ARSG: variants seen among roughly 807,000 people sequenced by gnomAD.
ARSG encodes the protein arylsulfatase G.
In ARSG, 37 loss-of-function variants were observed where a neutral mutation model predicts 50.5. The ratio of observed to expected loss-of-function variants is 0.73; its 90% CI spans 0.56 to 0.96. The LOEUF (loss-of-function observed/expected upper bound fraction) is 0.96, where lower values mean the gene tolerates loss of function less well. Ranked by LOEUF, ARSG falls within the 50% of genes least tolerant of loss-of-function variation. ARSG has a pLI of 0.00. For synonymous variants in ARSG, 225 were observed against 254.6 expected, an observed-to-expected ratio of 0.88 and a Z score of 1.11; for missense variants, 629 against 675.3, an observed-to-expected ratio of 0.93 and a Z score of 0.76.
In ARSG at chr17:68,416,323, T is replaced by A. The variant is rs149383664; in HGVS notation, c.1304-3866T>A. ...AATTCTTGGCTGATAATTGTTTTGA[T>A]GGAGGAGGCTGAAGATATGGCCCCA... On this transcript the variant is annotated intron_variant, in intron 11 of 11. Coordinates refer to ENST00000621439, the MANE Select transcript of ARSG (RefSeq NM_001267727.2). Among the ~76,000 whole-genome samples the A allele has an allele frequency of 3.4e-3, 512 of 152,312 alleles. 7 individuals carry two copies. The highest frequency in any genetic ancestry group is 0.011 in the African/African-American group (476 of 41,578).
At chr17:68,392,477 A>G (rs2081040372) in intron 9 of ARSG, among the ~76,000 whole-genome samples, 1 of 152,084 alleles carries the variant, frequency 6.6e-6, no homozygotes, top group African/African-American at 2.4e-5. Flanking sequence ...CATTTTTTCA[A>G]CCATAAACAT....
chr17:68,433,417 G>A, the ARSG span: 3 of 1,506,018 alleles, frequency 2.0e-6, no homozygotes, highest in African/African-American at 4.1e-5. Flanking sequence ...GAAGAGCCTA[G>A]GCCTGACTCC....
chr17:68,432,860 T>C, the ARSG span, among the ~76,000 whole-genome samples: 1 of 152,226 alleles, frequency 6.6e-6, no homozygotes, highest in Non-Finnish European at 1.5e-5. Flanking sequence ...CTCCTCCATC[T>C]TTCCAGAATT....
intron 8 of ARSG, among the ~76,000 whole-genome samples, chr17:68,375,440 CTG>C (rs779481526): frequency 1.4e-4 from 21 of 152,230 alleles, no homozygotes; most frequent in Non-Finnish European, 2.4e-4. Context: ...TCCCAGGAAT[CTG>C]TGTTTAAACA....
chr17:68,310,139 C>T (rs2076793742), intron 2 of ARSG, among the ~76,000 whole-genome samples: 1 of 151,844 alleles, frequency 6.6e-6, no homozygotes, highest in Admixed American at 6.6e-5. Context: ...TGGGGAGAAA[C>T]CCCAGAGATC....
At chr17:68,289,013 A>G (rs527734964), upstream of ARSG, among the ~76,000 whole-genome samples, 1 of 152,122 alleles carries the variant, frequency 6.6e-6, no homozygotes, top group Non-Finnish European at 1.5e-5. Context: ...GGCAGTTTGG[A>G]GGATTTCCTA....
chr17:68,434,693 G>A, the ARSG span: 1 of 1,542,156 alleles, frequency 6.5e-7, no homozygotes, highest in Non-Finnish European at 8.9e-7. Context: ...TCCCTTTAGA[G>A]AGGAGTTTGT....
intron 1 of ARSG, among the ~76,000 whole-genome samples, chr17:68,302,245 C>T (rs556812129): frequency 3.9e-4 from 60 of 152,308 alleles, no homozygotes; most frequent in Admixed American, 3.4e-3. Flanking sequence ...AGACCATGTT[C>T]TGATCTGGGG....
At chr17:68,268,473 TG>T (rs1555747096) in intron 1 of ARSG, 2 of 152,490 alleles carry the variant, frequency 1.3e-5, no homozygotes, top group Non-Finnish European at 2.9e-5. Flanking sequence ...GTAAAATGTT[TG>T]GTCTTAAACT....
chr17:68,321,593 C>T lies in ARSG; in HGVS notation c.218+13882C>T, dbSNP rs369436762. On this transcript the variant is annotated intron_variant, in intron 2 of 11. Coordinates refer to ENST00000621439, the MANE Select transcript of ARSG (RefSeq NM_001267727.2). ...AACACCCCATCATCTATTTTAAATTCCTTGTAAATGAAGGCTGGACACGCT... is the reference window on the plus strand; with the variant it reads ...AACACCCCATCATCTATTTTAAATTTCTTGTAAATGAAGGCTGGACACGCT... Among the ~76,000 whole-genome samples, 8 of 152,326 alleles carry T rather than the reference C, an allele frequency of 5.3e-5. No homozygotes were observed. The East Asian group carries it at 1.3e-3, about 26-fold the overall frequency.
At chr17:68,335,291 T>C (rs975333641) in intron 2 of ARSG, among the ~76,000 whole-genome samples, 1 of 152,092 alleles carries the variant, frequency 6.6e-6, no homozygotes, top group Non-Finnish European at 1.5e-5. Flanking sequence ...AGGTGGCTCA[T>C]GCCTGTAATC....
At chr17:68,308,801 A>T (rs1555765486) in intron 2 of ARSG, among the ~76,000 whole-genome samples, 1 of 152,256 alleles carries the variant, frequency 6.6e-6, no homozygotes, top group African/African-American at 2.4e-5. Context: ...TGAGCTAGAC[A>T]TAAAGGTTCT....
chr17:68,411,402 A>T (rs1795253616), intron 11 of ARSG, among the ~76,000 whole-genome samples: 1 of 152,216 alleles, frequency 6.6e-6, no homozygotes, highest in Non-Finnish European at 1.5e-5. Context: ...ATTCAGGAGC[A>T]GGTTATTCAG....
chr17:68,428,930 C>T, the ARSG span: 1 of 1,613,604 alleles, frequency 6.2e-7, no homozygotes, highest in Non-Finnish European at 8.5e-7. Flanking sequence ...GTGGCAACTT[C>T]TGGATCCTAA....
At chr17:68,281,339 C>T (rs6501344) in intron 1 of ARSG, among the ~76,000 whole-genome samples, 35,073 of 151,762 alleles carry the variant, frequency 0.23, 4,392 homozygotes, top group African/African-American at 0.31. Context: ...GAGCCTGAGG[C>T]AGGTGGATCA....
intron 2 of ARSG, among the ~76,000 whole-genome samples, chr17:68,323,400 C>A (rs1382598887): frequency 2.0e-5 from 3 of 152,054 alleles, no homozygotes; most frequent in African/African-American, 4.8e-5. Flanking sequence ...AGAGAAAGAA[C>A]CCTCTTATTA....
chr17:68,304,107 A>G (rs7208513), intron 1 of ARSG, among the ~76,000 whole-genome samples: 31,076 of 152,074 alleles, frequency 0.2, 3,353 homozygotes, highest in African/African-American at 0.26. Flanking sequence ...TGTACATGGG[A>G]TCCATTCTGA....
intron 1 of ARSG, chr17:68,278,183 A>T (rs782516882): frequency 5.6e-6 from 9 of 1,614,068 alleles, no homozygotes; most frequent in Non-Finnish European, 7.6e-6. Context: ...TAAAGAAGAC[A>T]CCAAATGTCT....
At chr17:68,335,279 C>A (rs148735305) in intron 2 of ARSG, among the ~76,000 whole-genome samples, 38 of 152,180 alleles carry the variant, frequency 2.5e-4, no homozygotes, top group African/African-American at 8.4e-4. Flanking sequence ...GATATGTCGG[C>A]CAGGTGGCTC....
Sources: gnomAD v4.1 joint callset for allele counts (sites outside exome capture counted in the v4.1 genomes callset) on GRCh38, gnomAD v4.1.1 for gene constraint, MANE v1.5 for transcripts, NCBI Gene and HGNC (gene_info 2026-07-23, HGNC 2026-07-21) for gene names.